The following DCUN1D4 variants were observed in gnomAD, a reference collection of about 807,000 sequenced individuals.
DCUN1D4 encodes the protein defective in cullin neddylation 1 domain containing 4, also known as DCN1-like protein 4.
In DCUN1D4, 22 loss-of-function variants were observed where a neutral mutation model predicts 47.9. That is an observed-to-expected ratio of 0.46 (90% confidence interval 0.33 to 0.66). DCUN1D4 has a LOEUF of 0.66. Ranked by LOEUF, DCUN1D4 falls within the 30% of genes least tolerant of loss-of-function variation. DCUN1D4 has a pLI of 0.02. For missense variants in DCUN1D4, 301 were observed against 340.8 expected (o/e 0.88, Z 0.92); for synonymous variants, 121 against 112.2 (o/e 1.08, Z -0.50).
intron 6 of DCUN1D4, chr4:51,886,921 A>G: frequency 2.3e-6 from 1 of 430,926 alleles, no homozygotes; most frequent in African/African-American, 2.0e-5. Flanking sequence ...ATGTGCCTAC[A>G]ATGACGGATC....
At chr4:51,907,652 G>A (rs552838897) in intron 8 of DCUN1D4, among the ~76,000 whole-genome samples, 18 of 152,088 alleles carry the variant, frequency 1.2e-4, no homozygotes, top group African/African-American at 1.4e-4. Context: ...AATTTTTCCC[G>A]TTGAATTTTT....
chr4:51,906,930 C>T (rs1034747398), intron 8 of DCUN1D4, among the ~76,000 whole-genome samples: 1 of 152,174 alleles, frequency 6.6e-6, no homozygotes, highest in Non-Finnish European at 1.5e-5. Context: ...CTCCTTGTGC[C>T]TCAGTTTCCT....
intron 1 of DCUN1D4, among the ~76,000 whole-genome samples, chr4:51,852,646 C>A (rs1399732555): frequency 6.6e-6 from 1 of 152,172 alleles, no homozygotes; most frequent in Non-Finnish European, 1.5e-5. Flanking sequence ...CTTCTACGTT[C>A]TAAATAATAA....
Position 51,877,874 on chromosome 4 carries a change from A to G in DCUN1D4, c.343+20A>G. 1.4e-6 allele frequency: 2 copies of G among 1,478,748 alleles called. No individual in the cohort carries two copies. Among genetic ancestry groups the G allele is most frequent in the Non-Finnish European group, 1.9e-6 (2 of 1,071,616 alleles). 91.6% of individuals were successfully genotyped at this position (1,478,748 alleles called of 1,614,324 possible). ...ATGCAGGTAGGTATTCATTTGTATC[A>G]TCTAAGACTGATCCTTATGACAATA... On this transcript the variant is annotated intron_variant, in intron 5 of 10. Transcript: ENST00000334635.
chr4:51,903,744 T>A (rs1345941626), intron 8 of DCUN1D4, among the ~76,000 whole-genome samples: 2 of 152,184 alleles, frequency 1.3e-5, no homozygotes, highest in Non-Finnish European at 2.9e-5. Flanking sequence ...AATATTAATC[T>A]TTTCTTTTGC....
intron 6 of DCUN1D4, among the ~76,000 whole-genome samples, chr4:51,888,082 G>GA (rs1470365683): frequency 6.6e-6 from 1 of 152,054 alleles, no homozygotes. Context: ...ACTGGGCCAA[G>GA]CTTGGCAGAG....
chr4:51,844,513 G>A (rs539235676), intron 1 of DCUN1D4: 1 of 588,830 alleles, frequency 1.7e-6, no homozygotes, highest in Non-Finnish European at 2.1e-6. Context: ...CGGGTCGGGG[G>A]CTTGGCGCCG....
upstream of DCUN1D4, among the ~76,000 whole-genome samples, chr4:51,839,388 TG>T (rs1721575983): frequency 6.6e-6 from 1 of 152,160 alleles, no homozygotes; most frequent in African/African-American, 2.4e-5. Flanking sequence ...ACCTGTAGAT[TG>T]GGGATACTAT....
chr4:51,866,410 GT>G (rs1290162247), intron 3 of DCUN1D4, among the ~76,000 whole-genome samples: 118 of 57,744 alleles, frequency 2.0e-3, no homozygotes, highest in African/African-American at 0.019. Context: ...TGATGATGAT[GT>G]ATTTTTTCCT....
At chr4:51,841,679 T>G (rs114335792), upstream of DCUN1D4, among the ~76,000 whole-genome samples, 915 of 152,242 alleles carry the variant, frequency 6.0e-3, 6 homozygotes, top group African/African-American at 0.021. Flanking sequence ...GCGATTAAGA[T>G]GGAGGGAGCA....
intron 3 of DCUN1D4, among the ~76,000 whole-genome samples, chr4:51,869,387 G>A (rs1322701323): frequency 1.3e-5 from 2 of 152,062 alleles, no homozygotes; most frequent in African/African-American, 4.8e-5. Flanking sequence ...AGGTGAAATA[G>A]CTATATAAAA....
At chr4:51,871,256 TTG>T (rs2109960099) in intron 3 of DCUN1D4, among the ~76,000 whole-genome samples, 2 of 152,286 alleles carry the variant, frequency 1.3e-5, no homozygotes, top group Admixed American at 1.3e-4. Flanking sequence ...AAAAAAGTAT[TTG>T]TGAAACTTTT....
At chr4:51,835,852 A>G in the DCUN1D4 span, among the ~76,000 whole-genome samples, 1 of 152,132 alleles carries the variant, frequency 6.6e-6, no homozygotes, top group Non-Finnish European at 1.5e-5. Flanking sequence ...TAAAATTTCG[A>G]AAGAGATGAA....
At chr4:51,872,252 A>G (rs1201029441) in intron 3 of DCUN1D4, among the ~76,000 whole-genome samples, 5 of 152,184 alleles carry the variant, frequency 3.3e-5, no homozygotes, top group Admixed American at 1.3e-4. Context: ...CAGTGATGGA[A>G]GCCCAGATAT....
Position 51,916,736 on chromosome 4 carries a change from T to C in DCUN1D4, c.*3152T>C, listed in dbSNP as rs1734360221. ...ACTCCCAGCTTAACTGAAATACTGT[T>C]ATGCCACCTAACTTGAGTACAGCAA... On this transcript the variant is annotated 3_prime_UTR_variant, in exon 11 of 11. Coordinates refer to ENST00000334635, the MANE Select transcript of DCUN1D4 (RefSeq NM_001040402.3). The C allele has an allele frequency of 6.6e-6, 1 of 152,582 alleles. No homozygotes were observed. Among genetic ancestry groups the C allele is most frequent in the Non-Finnish European group, 1.5e-5 (1 of 68,002 alleles). The allele number at this position is 152,582 out of a possible 1,614,324, so 9.5% of individuals were successfully genotyped here. A position where few individuals can be genotyped will look rare whatever the true frequency, so the allele number is the denominator to read the frequency against.
intron 1 of DCUN1D4, among the ~76,000 whole-genome samples, chr4:51,852,704 A>G (rs954854614): frequency 1.3e-5 from 2 of 152,226 alleles, no homozygotes; most frequent in African/African-American, 4.8e-5. Flanking sequence ...ATGGACCAGC[A>G]CTGTGCTAAG....
At chr4:51,902,790 A>AT (rs1384833794) in intron 8 of DCUN1D4, among the ~76,000 whole-genome samples, 3 of 151,864 alleles carry the variant, frequency 2.0e-5, no homozygotes, top group African/African-American at 7.3e-5. Context: ...TATCCCACCT[A>AT]TTTTTTGTTC....
chr4:51,861,869 T>C (rs1470927321), intron 1 of DCUN1D4, among the ~76,000 whole-genome samples: 1 of 152,212 alleles, frequency 6.6e-6, no homozygotes, highest in Non-Finnish European at 1.5e-5. Context: ...TTGCTGGTCC[T>C]GAGAGGCCTC....
chr4:51,906,666 G>A (rs946504145), intron 8 of DCUN1D4, among the ~76,000 whole-genome samples: 2 of 152,142 alleles, frequency 1.3e-5, no homozygotes, highest in African/African-American at 2.4e-5. Context: ...AGAATATGAT[G>A]GAGTCATCTA....
Sources: gnomAD v4.1 joint callset for allele counts (sites outside exome capture counted in the v4.1 genomes callset) on GRCh38, gnomAD v4.1.1 for gene constraint, MANE v1.5 for transcripts, NCBI Gene and HGNC (gene_info 2026-07-23, HGNC 2026-07-21) for gene names.